Variants in HDAC5 observed in about 807,000 individuals in gnomAD.
HDAC5 encodes histone deacetylase 5.
A neutral mutation model predicts 133.3 loss-of-function variants in HDAC5; 25 were observed. That is an observed-to-expected ratio of 0.19 (90% CI 0.14 to 0.26). The LOEUF is 0.26. HDAC5 is among the 10% of genes least tolerant of loss of function. The probability of loss-of-function intolerance (pLI) is 1.00; values close to 1 mark genes in which losing one functional copy is unlikely to be tolerated. For missense variants in HDAC5, 1,041 were observed against 1,460.5 expected (o/e 0.71, Z 4.68); for synonymous variants, 589 against 610.8 (o/e 0.96, Z 0.53).
chr17:44,091,236 GC>G (rs1376640662), intron 11 of HDAC5, 33 bp downstream of exon 11: 2 of 1,528,998 alleles, frequency 1.3e-6, no homozygotes, highest in East Asian at 2.3e-5. Flanking sequence ...CCTGACCTTA[GC>G]CCCCTCCCTT....
In HDAC5 at chr17:44,079,438, G is replaced by A. The variant is rs573960892; in HGVS notation, c.2945-161C>T. The stretch of plus-strand genomic sequence containing the variant: ...GGGCAGATCACAAGGTCAGGAGTTC[G>A]AGACCAGCCTGACCAACATGGTGAA... On this transcript the variant is annotated intron_variant, in intron 23 of 26. Transcript: ENST00000682912. The A allele has an allele frequency of 2.1e-4, 127 of 601,816 alleles. 1 individual carries two copies. The highest frequency in any genetic ancestry group is 2.1e-3 in the African/African-American group (112 of 53,884). The allele number at this position is 601,816 out of a possible 1,614,324, so 37.3% of individuals were successfully genotyped here.
intron 3 of HDAC5, among the ~76,000 whole-genome samples, chr17:44,098,643 G>A (rs971979872): frequency 6.6e-6 from 1 of 151,654 alleles, no homozygotes; most frequent in Non-Finnish European, 1.5e-5. Context: ...AGGAGGCTGA[G>A]GCAGGGAGAG....
At position 44,086,618 on chromosome 17, in the gene HDAC5, G is replaced by A; in HGVS notation, c.2004C>T (p.Gly668=). 1 of 1,303,394 alleles carries A rather than the reference G, an allele frequency of 7.7e-7. No homozygotes were observed. The allele number at this position is 1,303,394 out of a possible 1,614,324, so 80.7% of individuals were successfully genotyped here. A position where few individuals can be genotyped will look rare whatever the true frequency, so the allele number is the denominator to read the frequency against. Residue 668 remains glycine, a synonymous_variant, in exon 14 of 27, where the codon GGC becomes GGT. Transcript: ENST00000682912. ...RTQSSPAAPG[G]MKSPPDQPVK... ...CGGGCTGGTCTGGGGGGCTCTTCAT[G>A]CCCCCAGGGGCAGCAGGGGAGGACT...
chr17:44,078,624 C>G lies in HDAC5; in HGVS notation c.3205G>C (p.Gly1069Arg), dbSNP rs747434894. 6.2e-7 allele frequency: 1 copy of G among 1,607,002 alleles called. No homozygotes were observed. Among genetic ancestry groups the G allele is most frequent in the Non-Finnish European group, 8.5e-7 (1 of 1,179,768 alleles). Residue 1069 changes from glycine to arginine, a missense_variant, in exon 26 of 27, where the codon GGC (glycine) becomes CGC (arginine). By Grantham distance (125) the Gly-to-Arg change is moderately radical. Transcript: ENST00000682912. ...GCTTGGGCCTCTCGCAGGGACCGGC[C>G]CAGACCAGCGGCGAACTTCTGCACA... Reference protein sequence around the residue: ...SCVQKFAAGLGRSLREAQAGE... With the variant: ...SCVQKFAAGLRRSLREAQAGE...
At chr17:44,105,440 T>C (rs1242357740) in intron 3 of HDAC5, among the ~76,000 whole-genome samples, 1 of 152,208 alleles carries the variant, frequency 6.6e-6, no homozygotes, top group African/African-American at 2.4e-5. Flanking sequence ...TTCTAGCATA[T>C]ACCTGGGTAC....
intron 1 of HDAC5, chr17:44,123,131 G>GC (rs1225687289): frequency 5.6e-6 from 1 of 178,060 alleles, no homozygotes; most frequent in Non-Finnish European, 1.2e-5. Flanking sequence ...GAATCCGGGT[G>GC]CAGGGCTCAA....
intron 3 of HDAC5, among the ~76,000 whole-genome samples, chr17:44,110,371 G>A (rs1034152439): frequency 1.1e-4 from 16 of 152,138 alleles, no homozygotes; most frequent in African/African-American, 2.9e-4. Flanking sequence ...CTTGGGGAGC[G>A]GGCAGCATGG....
At chr17:44,101,166 G>A (rs2051581447) in intron 3 of HDAC5, among the ~76,000 whole-genome samples, 1 of 150,464 alleles carries the variant, frequency 6.6e-6, no homozygotes, top group South Asian at 2.1e-4. Context: ...AGCACTTTGG[G>A]AGGCTGAGAC....
At chr17:44,111,472 G>A (rs2052340976) in intron 2 of HDAC5, 1 of 428,776 alleles carries the variant, frequency 2.3e-6, no homozygotes, top group South Asian at 1.6e-5. Flanking sequence ...AAGGGCGCCG[G>A]CCAGGGTACC....
At chr17:44,112,608 GCCAA>G (rs1319147101) in intron 2 of HDAC5, among the ~76,000 whole-genome samples, 1 of 152,142 alleles carries the variant, frequency 6.6e-6, no homozygotes, top group Admixed American at 6.5e-5. Flanking sequence ...GGAGAAGCTG[GCCAA>G]CCAAGGACAC....
At chr17:44,093,858 G>A in intron 3 of HDAC5, 24 bp from the exon 4 acceptor site, 1 of 1,465,604 alleles carries the variant, frequency 6.8e-7, no homozygotes, top group South Asian at 1.5e-5. Flanking sequence ...AGACAGGAAG[G>A]AGTTAGTGGG....
intron 2 of HDAC5, among the ~76,000 whole-genome samples, chr17:44,112,830 G>C (rs531447331): frequency 6.6e-6 from 1 of 152,172 alleles, no homozygotes; most frequent in Non-Finnish European, 1.5e-5. Context: ...ACAGGGGTCT[G>C]GAGCTGCAGC....
intron 1 of HDAC5, among the ~76,000 whole-genome samples, chr17:44,119,007 C>T (rs147365027): frequency 1.6e-4 from 24 of 152,338 alleles, no homozygotes; most frequent in African/African-American, 5.3e-4. Flanking sequence ...CATGCACACA[C>T]GAGACCCTGA....
intron 3 of HDAC5, among the ~76,000 whole-genome samples, chr17:44,102,836 A>G (rs1041380881): frequency 1.3e-5 from 2 of 151,096 alleles, no homozygotes; most frequent in Admixed American, 1.3e-4. Context: ...CTGGCTAATC[A>G]TTTGTATTCT....
intron 19 of HDAC5, 23 bp downstream of exon 19, chr17:44,082,742 G>A: frequency 6.3e-7 from 1 of 1,598,602 alleles, no homozygotes; most frequent in Non-Finnish European, 8.5e-7. Flanking sequence ...AAGGGGCGAG[G>A]GCAGAGAATC....
chr17:44,113,580 T>C (rs1186256672), intron 2 of HDAC5, among the ~76,000 whole-genome samples: 2 of 152,044 alleles, frequency 1.3e-5, no homozygotes, highest in Non-Finnish European at 2.9e-5. Flanking sequence ...TTTTCCGTTC[T>C]CTCCCAACCA....
chr17:44,101,553 T>G (rs1218405625), intron 3 of HDAC5, among the ~76,000 whole-genome samples: 2 of 151,794 alleles, frequency 1.3e-5, no homozygotes, highest in African/African-American at 4.8e-5. Context: ...ATAACATAAA[T>G]GAGGTCCGTG....
intron 20 of HDAC5, chr17:44,082,202 C>A: frequency 4.8e-6 from 1 of 206,342 alleles, no homozygotes; most frequent in Non-Finnish European, 9.9e-6. Flanking sequence ...CTCGAGGTGG[C>A]CATAAAGTAC....
At chr17:44,090,977 C>T (rs560400910) in intron 11 of HDAC5, among the ~76,000 whole-genome samples, 1 of 152,362 alleles carries the variant, frequency 6.6e-6, no homozygotes, top group South Asian at 2.1e-4. Context: ...GCGTGATCCA[C>T]CGCGCCCGGC....
Sources: gnomAD v4.1 joint callset for allele counts (sites outside exome capture counted in the v4.1 genomes callset) on GRCh38, gnomAD v4.1.1 for gene constraint, MANE v1.5 for transcripts, NCBI Gene and HGNC (gene_info 2026-07-23, HGNC 2026-07-21) for gene names.